The following PKP4 variants were observed in gnomAD, a reference collection of about 807,000 sequenced individuals.
The protein encoded by PKP4 is plakophilin-4.
In PKP4, 90 loss-of-function variants were observed where a neutral mutation model predicts 145.1. The observed-to-expected ratio is 0.62, with a 90% CI of 0.52 to 0.74. The LOEUF (loss-of-function observed/expected upper bound fraction) is 0.74, where lower values mean the gene tolerates loss of function less well. Among genes scored for constraint, PKP4 ranks in the 30% least tolerant of loss-of-function variants. The pLI is 0.00. For synonymous variants in PKP4, 563 were observed against 577.2 expected, an observed-to-expected ratio of 0.98 and a Z score of 0.35; for missense variants, 1,340 against 1,482.7, an observed-to-expected ratio of 0.90 and a Z score of 1.58.
At chr2:158,509,542 C>T (rs1000617738) in intron 1 of PKP4, among the ~76,000 whole-genome samples, 3 of 152,168 alleles carry the variant, frequency 2.0e-5, no homozygotes, top group Non-Finnish European at 2.9e-5. Context: ...ATAAGACAAT[C>T]AAGACTTTGT....
chr2:158,617,680 G>T (rs2105884856), intron 4 of PKP4, among the ~76,000 whole-genome samples: 1 of 152,218 alleles, frequency 6.6e-6, no homozygotes, highest in Non-Finnish European at 1.5e-5. Flanking sequence ...TAGAAGATGT[G>T]TCTTCTGTTT....
rs143464774 is a variant in PKP4, at chr2:158,604,070, C to A, written c.280+966C>A. Among the ~76,000 whole-genome samples, 17 of 152,286 alleles carry A rather than the reference C, an allele frequency of 1.1e-4. No individual in the cohort carries two copies. The East Asian group carries it at 3.3e-3, about 29-fold the overall frequency. On this transcript the variant is annotated intron_variant, in intron 4 of 21. Transcript: ENST00000389759. ...GCTACCTAACAATAAGGCTTCTAAA[C>A]AACAGTTTAACACAAGGCAAGTCAC...
At chr2:158,678,086 C>G (rs1575154298) in intron 20 of PKP4, among the ~76,000 whole-genome samples, 1 of 152,302 alleles carries the variant, frequency 6.6e-6, no homozygotes, top group South Asian at 2.1e-4. Context: ...GACTGTGCCT[C>G]CATTGTTGCT....
chr2:158,661,205 C>A, intron 12 of PKP4, 128 bp from the exon 13 acceptor site: 4 of 639,782 alleles, frequency 6.3e-6, no homozygotes, highest in South Asian at 5.2e-5. Flanking sequence ...TGCAAGCCCC[C>A]AGTGCCTCCT....
Position 158,624,976 on chromosome 2 carries a change from G to A in PKP4, c.702G>A (p.Arg234=). The A allele has an allele frequency of 6.2e-7, 1 of 1,614,112 alleles. No individual in the cohort carries two copies. The highest frequency in any genetic ancestry group is 1.1e-5 in the South Asian group (1 of 91,064). ...TCAGCACAGGCGTGTCTCCTTCAAG[G>A]GGGTCTCTGAGAACTTCTCTGGGTA... is the stretch of plus-strand genomic sequence containing the variant. ...YVISTGVSPS[R]GSLRTSLGSG... is the part of the protein sequence containing the mutation. The change falls in exon 7 of 22, where the codon AGG becomes AGA. Residue 234 remains arginine (R), a synonymous_variant. Transcript: ENST00000389759.
intron 1 of PKP4, among the ~76,000 whole-genome samples, chr2:158,484,315 G>C (rs1232620575): frequency 6.6e-6 from 1 of 152,120 alleles, no homozygotes; most frequent in Non-Finnish European, 1.5e-5. Context: ...CCAAAGTGCT[G>C]GGATTACAGG....
In PKP4 at chr2:158,674,015, G is replaced by T; in HGVS notation, c.3127+15G>T. On this transcript the variant is annotated intron_variant, in intron 19 of 21. Transcript: ENST00000389759. Reference sequence around the variant, plus strand: ...CATTCAGTCAGGTCAGTGGGAAAATGCCACTCCTTGGCGAGAACCTTTGTG... The same window carrying T: ...CATTCAGTCAGGTCAGTGGGAAAATTCCACTCCTTGGCGAGAACCTTTGTG... 1.5e-6 allele frequency: 2 copies of T among 1,345,420 alleles called. No homozygotes were observed. Among genetic ancestry groups the T allele is most frequent in the Non-Finnish European group, 2.1e-6 (2 of 934,114 alleles). The allele number at this position is 1,345,420 out of a possible 1,614,324, so 83.3% of individuals were successfully genotyped here.
intron 11 of PKP4, among the ~76,000 whole-genome samples, chr2:158,654,213 A>G (rs2055680504): frequency 6.6e-6 from 1 of 152,226 alleles, no homozygotes; most frequent in Non-Finnish European, 1.5e-5. Context: ...TACATGGTGA[A>G]GTGCAGGATT....
chr2:158,628,470 C>T (rs1319765110), intron 7 of PKP4, among the ~76,000 whole-genome samples: 1 of 152,032 alleles, frequency 6.6e-6, no homozygotes, highest in Non-Finnish European at 1.5e-5. Flanking sequence ...AGCGGGTAAA[C>T]AAAAATAGTT....
chr2:158,468,770 C>CTTCTT (rs1553536303), intron 1 of PKP4, among the ~76,000 whole-genome samples: 1 of 109,968 alleles, frequency 9.1e-6, no homozygotes, highest in Non-Finnish European at 1.8e-5. Context: ...TCTTCTTCTT[C>CTTCTT]TTTTTTTTTT....
intron 1 of PKP4, among the ~76,000 whole-genome samples, chr2:158,479,153 TCAAA>T (rs1209481405): frequency 6.6e-6 from 1 of 152,140 alleles, no homozygotes; most frequent in East Asian, 1.9e-4. Flanking sequence ...TTTTTAATTC[TCAAA>T]CAATTTAGAT....
chr2:158,572,999 C>T (rs2047536170), intron 2 of PKP4, among the ~76,000 whole-genome samples: 1 of 152,218 alleles, frequency 6.6e-6, no homozygotes, highest in African/African-American at 2.4e-5. Flanking sequence ...AGCAATTCCA[C>T]TTCTAGGTCT....
chr2:158,493,863 CT>C (rs753883665), intron 1 of PKP4, among the ~76,000 whole-genome samples: 21 of 152,204 alleles, frequency 1.4e-4, no homozygotes, highest in Non-Finnish European at 3.1e-4. Flanking sequence ...CACTCTCCCC[CT>C]TTCCCCACCC....
intron 3 of PKP4, among the ~76,000 whole-genome samples, chr2:158,593,702 A>G (rs3771637): frequency 0.2 from 30,363 of 152,156 alleles, 3,891 homozygotes; most frequent in Middle Eastern, 0.36. Flanking sequence ...CAGGAGGCTG[A>G]TCATGATATT....
At chr2:158,508,375 AAAAAAAAAAAAAAG>A (rs1431538579) in intron 1 of PKP4, among the ~76,000 whole-genome samples, 1 of 131,590 alleles carries the variant, frequency 7.6e-6, no homozygotes, top group African/African-American at 3.0e-5. Context: ...TCAAAAAAAA[AAAAAAAAAAAAAAG>A]AAGAAGAAGA....
At position 158,538,789 on chromosome 2, in the gene PKP4, A is replaced by G. The variant is rs189585404; in HGVS notation, c.132+5473A>G. 8.9e-3 allele frequency among the ~76,000 whole-genome samples: 1,350 copies of G among 152,126 alleles called. 20 individuals carry two copies. The highest frequency in any genetic ancestry group is 0.03 in the African/African-American group (1,239 of 41,500). On this transcript the variant is annotated intron_variant, in intron 2 of 21. Coordinates refer to ENST00000389759, the MANE Select transcript of PKP4 (RefSeq NM_003628.6). ...ACTCCTGACCTCAGGTGATCTGCCC[A>G]CCTTGGCCTCCCAAAGTGCTGGGAT...
intron 1 of PKP4, among the ~76,000 whole-genome samples, chr2:158,505,642 G>T (rs2040903587): frequency 6.6e-6 from 1 of 152,080 alleles, no homozygotes; most frequent in African/African-American, 2.4e-5. Context: ...AAAGAAGCAG[G>T]GTGGGTGATA....
intron 1 of PKP4, among the ~76,000 whole-genome samples, chr2:158,458,502 TGTGCAAGGTTTGGATA>T (rs890450798): frequency 6.6e-6 from 1 of 152,156 alleles, no homozygotes; most frequent in African/African-American, 2.4e-5. Flanking sequence ...GCAAGTTTGG[TGTGCAAGGTTTGGATA>T]GTGCCTGGTT....
chr2:158,477,677 C>T (rs1460175075), intron 1 of PKP4, among the ~76,000 whole-genome samples: 1 of 152,162 alleles, frequency 6.6e-6, no homozygotes, highest in Non-Finnish European at 1.5e-5. Flanking sequence ...GCAACAATAT[C>T]CTGGTTTAAA....
Sources: gnomAD v4.1 joint callset for allele counts (sites outside exome capture counted in the v4.1 genomes callset) on GRCh38, gnomAD v4.1.1 for gene constraint, MANE v1.5 for transcripts, NCBI Gene and HGNC (gene_info 2026-07-23, HGNC 2026-07-21) for gene names.